TMEM132C: variants seen among roughly 807,000 people sequenced by gnomAD.
TMEM132C encodes transmembrane protein 132C.
In TMEM132C, 29 loss-of-function variants were observed where a neutral mutation model predicts 61.4. The ratio of observed to expected loss-of-function variants is 0.47; its 90% confidence interval spans 0.35 to 0.64. TMEM132C has a LOEUF of 0.64. TMEM132C is among the 30% of genes least tolerant of loss of function. The pLI is 0.00. For synonymous variants in TMEM132C, 656 were observed against 633.1 expected, an observed-to-expected ratio of 1.04 and a Z score of -0.54; for missense variants, 1,408 against 1,476.9, an observed-to-expected ratio of 0.95 and a Z score of 0.76.
chr12:128,362,540 C>G (rs181708767), intron 1 of TMEM132C, among the ~76,000 whole-genome samples: 2 of 152,224 alleles, frequency 1.3e-5, no homozygotes, highest in African/African-American at 4.8e-5. Flanking sequence ...TTGAGTATAC[C>G]TTATCCAAAA....
intron 3 of TMEM132C, among the ~76,000 whole-genome samples, chr12:128,563,681 C>T (rs1230834073): frequency 2.0e-5 from 3 of 152,150 alleles, no homozygotes; most frequent in African/African-American, 7.2e-5. Context: ...CTTCAGACCT[C>T]AGATTTCTCA....
intron 3 of TMEM132C, among the ~76,000 whole-genome samples, chr12:128,571,272 A>G (rs143268842): frequency 5.9e-5 from 9 of 152,362 alleles, no homozygotes; most frequent in African/African-American, 2.2e-4. Flanking sequence ...CTGAAAAGGT[A>G]CATCTCACTA....
chr12:128,537,142 G>A (rs1184800276), intron 2 of TMEM132C, among the ~76,000 whole-genome samples: 1 of 152,116 alleles, frequency 6.6e-6, no homozygotes, highest in African/African-American at 2.4e-5. Flanking sequence ...CCCAAGGTGG[G>A]GTTTTCAGCC....
intron 1 of TMEM132C, among the ~76,000 whole-genome samples, chr12:128,294,801 G>A (rs34517218): frequency 0.23 from 34,554 of 151,658 alleles, 4,386 homozygotes; most frequent in East Asian, 0.5. Context: ...CCTCCCAAAG[G>A]TACCACCTCC....
intron 2 of TMEM132C, among the ~76,000 whole-genome samples, chr12:128,463,697 A>G (rs556666769): frequency 6.1e-5 from 9 of 146,366 alleles, no homozygotes; most frequent in Non-Finnish European, 9.1e-5. Flanking sequence ...TTCCTCTCCC[A>G]TCTCGGTGTG....
chr12:128,319,231 A>G (rs1334827970), intron 1 of TMEM132C, among the ~76,000 whole-genome samples: 2 of 152,208 alleles, frequency 1.3e-5, no homozygotes, highest in Admixed American at 6.5e-5. Context: ...AGGATGATCA[A>G]GATCAGTAAT....
At chr12:128,540,352 C>G (rs1169756006) in intron 2 of TMEM132C, among the ~76,000 whole-genome samples, 1 of 152,172 alleles carries the variant, frequency 6.6e-6, no homozygotes, top group African/African-American at 2.4e-5. Flanking sequence ...CTCCTGGGTT[C>G]AAGTGATTCT....
chr12:128,518,848 T>C (rs1872807570), intron 2 of TMEM132C, among the ~76,000 whole-genome samples: 1 of 152,106 alleles, frequency 6.6e-6, no homozygotes, highest in Non-Finnish European at 1.5e-5. Context: ...GCTTAGACAC[T>C]TACTAGCCGT....
intron 2 of TMEM132C, among the ~76,000 whole-genome samples, chr12:128,497,831 G>C (rs553399478): frequency 9.2e-5 from 14 of 152,268 alleles, no homozygotes; most frequent in African/African-American, 2.6e-4. Context: ...TGCACCCACT[G>C]TCCTGCCCCC....
intron 2 of TMEM132C, among the ~76,000 whole-genome samples, chr12:128,510,645 A>G (rs1267620123): frequency 6.6e-6 from 1 of 152,172 alleles, no homozygotes; most frequent in Non-Finnish European, 1.5e-5. Flanking sequence ...TCCCACTTCC[A>G]TCAGATGGAC....
rs1203796147 is a variant in TMEM132C at position 128,604,447 on chromosome 12, AGATAATAG to A, written c.1122-11704_1122-11697del. 5.3e-5 allele frequency among the ~76,000 whole-genome samples: 8 copies of A among 150,084 alleles called. No individual in the cohort carries two copies. In the East Asian group the frequency reaches 1.6e-3, roughly 30 times the overall value. On this transcript the variant is annotated intron_variant, in intron 3 of 8. Transcript: ENST00000435159. ...TAGATAGATAGATAGATAGATAGAT[AGATAATAG>A]ATGGATAGATAGATGATACAAATGG...
intron 2 of TMEM132C, among the ~76,000 whole-genome samples, chr12:128,422,008 T>G (rs773955113): frequency 5.3e-5 from 8 of 152,222 alleles, no homozygotes; most frequent in Non-Finnish European, 1.2e-4. Context: ...TAAACATTCC[T>G]TTTCATGGAT....
At chr12:128,380,747 T>TA (rs948120855) in intron 1 of TMEM132C, among the ~76,000 whole-genome samples, 20 of 151,978 alleles carry the variant, frequency 1.3e-4, no homozygotes, top group Non-Finnish European at 2.5e-4. Flanking sequence ...CCCATCTCTT[T>TA]AAAAAAAAGA....
chr12:128,642,440 A>G (rs1045498364), intron 4 of TMEM132C, among the ~76,000 whole-genome samples: 8 of 152,180 alleles, frequency 5.3e-5, no homozygotes, highest in Non-Finnish European at 5.9e-5. Flanking sequence ...TCATGCTGCA[A>G]TGTGATCCCC....
intron 2 of TMEM132C, among the ~76,000 whole-genome samples, chr12:128,531,076 A>G (rs10161211): frequency 0.26 from 39,210 of 152,138 alleles, 6,090 homozygotes; most frequent in East Asian, 0.41. Flanking sequence ...GAGCAAACTT[A>G]CAGAAGCAAA....
chr12:128,287,804 G>GT (rs551131847), intron 1 of TMEM132C, among the ~76,000 whole-genome samples: 20 of 152,120 alleles, frequency 1.3e-4, no homozygotes, highest in East Asian at 5.8e-4. Flanking sequence ...GTCTCTTTGT[G>GT]TTTTTTTATC....
intron 1 of TMEM132C, among the ~76,000 whole-genome samples, chr12:128,407,878 G>A (rs1242735571): frequency 1.3e-5 from 2 of 151,858 alleles, no homozygotes; most frequent in African/African-American, 4.8e-5. Flanking sequence ...AGGAGATGGG[G>A]TGCCATTTTT....
At chr12:128,288,702 CTT>C (rs953365108) in intron 1 of TMEM132C, 3 of 152,204 alleles carry the variant, frequency 2.0e-5, no homozygotes, top group African/African-American at 4.8e-5. Flanking sequence ...GGCTGGCACT[CTT>C]ATATATTCAT....
intron 2 of TMEM132C, among the ~76,000 whole-genome samples, chr12:128,434,429 T>C (rs1869503379): frequency 6.6e-6 from 1 of 151,998 alleles, no homozygotes; most frequent in African/African-American, 2.4e-5. Context: ...GCCTCCCAAG[T>C]AGCCAGGATT....
Sources: allele counts gnomAD v4.1 joint callset (sites outside exome capture counted in the v4.1 genomes callset), GRCh38; gene constraint gnomAD v4.1.1; transcripts MANE v1.5; gene names NCBI Gene and HGNC (gene_info 2026-07-23, HGNC 2026-07-21).